The following NFIB variants were observed in gnomAD, a reference collection of about 807,000 sequenced individuals.
NFIB encodes nuclear factor 1 B-type.
In NFIB, 11 loss-of-function variants were observed where a neutral mutation model predicts 61.5. The observed-to-expected ratio is 0.18, with a 90% CI of 0.11 to 0.30. The LOEUF (loss-of-function observed/expected upper bound fraction) is 0.30, where lower values mean the gene tolerates loss of function less well. NFIB is among the 10% of genes least tolerant of loss of function. The probability of loss-of-function intolerance (pLI) is 1.00; values close to 1 mark genes in which losing one functional copy is unlikely to be tolerated. For missense variants in NFIB, 471 were observed against 608.9 expected (o/e 0.77, Z 2.38); for synonymous variants, 260 against 216.5 (o/e 1.20, Z -1.76).
the NFIB span, among the ~76,000 whole-genome samples, chr9:14,414,358 C>T: frequency 9.6e-4 from 144 of 150,524 alleles, no homozygotes; most frequent in Admixed American, 5.6e-3. Context: ...TTGCTTGAAC[C>T]CGAGAGGCAG....
chr9:14,120,909 T>C lies in NFIB; in HGVS notation c.1061-285A>G, dbSNP rs1368920912. On this transcript the variant is annotated intron_variant, in intron 7 of 10. Coordinates refer to ENST00000380953, the MANE Select transcript of NFIB (RefSeq NM_001190737.2). This position sits in a 1 kb window ranked among gnomAD's most constrained non-coding sequence, Gnocchi z 4.4. ...GTTTCTCTTTTATAGGTTATGTCAA[T>C]ACTTGATAAAACACTTCTTTGAGCA... is the stretch of plus-strand genomic sequence containing the variant. Among the ~76,000 whole-genome samples the C allele has an allele frequency of 6.6e-6, 1 of 152,212 alleles. No homozygotes were observed. Among genetic ancestry groups the C allele is most frequent in the Non-Finnish European group, 1.5e-5 (1 of 68,042 alleles).
intron 2 of NFIB, among the ~76,000 whole-genome samples, chr9:14,267,870 C>G (rs56075406): frequency 0.078 from 11,844 of 152,212 alleles, 659 homozygotes; most frequent in East Asian, 0.26. Flanking sequence ...CAGTGGCTCA[C>G]GCCTGTAATC....
chr9:14,125,226 C>T (rs185285854), intron 7 of NFIB, among the ~76,000 whole-genome samples: 19 of 152,330 alleles, frequency 1.2e-4, no homozygotes, highest in African/African-American at 3.8e-4. Context: ...GGCACGATCT[C>T]GGCTTACTGC....
chr9:14,129,925 G>C (rs189828918), intron 6 of NFIB, among the ~76,000 whole-genome samples: 1 of 152,320 alleles, frequency 6.6e-6, no homozygotes, highest in African/African-American at 2.4e-5. Flanking sequence ...ACTGGTGGGA[G>C]GGAGGCAGGA....
chr9:14,322,864 C>T (rs1241244405), intron 1 of NFIB, among the ~76,000 whole-genome samples: 1 of 152,040 alleles, frequency 6.6e-6, no homozygotes, highest in East Asian at 1.9e-4. Flanking sequence ...GCGTGACCGT[C>T]TCGGGGGCTG....
chr9:14,325,201 A>T (rs1447449280), intron 1 of NFIB, among the ~76,000 whole-genome samples: 1 of 152,036 alleles, frequency 6.6e-6, no homozygotes, highest in Non-Finnish European at 1.5e-5. Context: ...TTCATTTTTT[A>T]AAAATAGCAC....
intron 2 of NFIB, among the ~76,000 whole-genome samples, chr9:14,201,839 G>A (rs1243891571): frequency 6.6e-6 from 1 of 151,942 alleles, no homozygotes; most frequent in Non-Finnish European, 1.5e-5. Flanking sequence ...AATTTATACA[G>A]GTAATTAACA....
intron 2 of NFIB, among the ~76,000 whole-genome samples, chr9:14,180,443 C>G (rs1230250858): frequency 1.3e-5 from 2 of 152,192 alleles, no homozygotes; most frequent in Admixed American, 6.5e-5. Context: ...ACAGACTTTG[C>G]AGGTAAGGAG....
chr9:14,336,538 GCA>G (rs1488995130), intron 1 of NFIB, among the ~76,000 whole-genome samples: 1 of 152,190 alleles, frequency 6.6e-6, no homozygotes, highest in Non-Finnish European at 1.5e-5. Context: ...TTTGTATATA[GCA>G]ACTCACTTTT....
chr9:14,191,275 C>T (rs1277539370), intron 2 of NFIB, among the ~76,000 whole-genome samples: 1 of 152,070 alleles, frequency 6.6e-6, no homozygotes, highest in African/African-American at 2.4e-5. Context: ...CTGCAGTGAG[C>T]TGAGATTACA....
chr9:14,456,114 T>C, the NFIB span, among the ~76,000 whole-genome samples: 2 of 152,254 alleles, frequency 1.3e-5, no homozygotes, highest in Admixed American at 6.5e-5. Flanking sequence ...CATAATACCA[T>C]TTCTGTAGGT....
the NFIB span, among the ~76,000 whole-genome samples, chr9:14,418,031 G>C: frequency 6.6e-6 from 1 of 151,928 alleles, no homozygotes; most frequent in Non-Finnish European, 1.5e-5. Context: ...CACCCACCTC[G>C]GCCTCCCAAA....
intron 2 of NFIB, among the ~76,000 whole-genome samples, chr9:14,276,882 A>G (rs980813749): frequency 3.9e-5 from 6 of 152,044 alleles, no homozygotes; most frequent in African/African-American, 1.4e-4. Context: ...TAAAAAGTAC[A>G]TCTTTTCTAT....
intron 2 of NFIB, among the ~76,000 whole-genome samples, chr9:14,236,311 A>G (rs2053739744): frequency 6.6e-6 from 1 of 152,204 alleles, no homozygotes; most frequent in South Asian, 2.1e-4. Context: ...TGTGTTTGCA[A>G]TCTCCAGAGA....
intron 1 of NFIB, chr9:14,362,284 G>T (rs2061249684): frequency 6.6e-6 from 1 of 152,208 alleles, no homozygotes; most frequent in African/African-American, 2.4e-5. Flanking sequence ...TGACTACAAT[G>T]GTGAACCATT....
intron 1 of NFIB, among the ~76,000 whole-genome samples, chr9:14,368,902 T>C (rs957218271): frequency 9.9e-5 from 15 of 152,192 alleles, no homozygotes; most frequent in Admixed American, 2.0e-4. Context: ...TTCCCAACTA[T>C]ATAGGGACAA....
At chr9:14,407,752 T>C in the NFIB span, among the ~76,000 whole-genome samples, 1 of 152,166 alleles carries the variant, frequency 6.6e-6, no homozygotes, top group Non-Finnish European at 1.5e-5. Flanking sequence ...GGTGGTACAA[T>C]CATAGCTCAC....
intron 1 of NFIB, among the ~76,000 whole-genome samples, chr9:14,387,335 C>T (rs1401694660): frequency 6.6e-6 from 1 of 152,180 alleles, no homozygotes; most frequent in African/African-American, 2.4e-5. Context: ...AATATTATTA[C>T]TATGCAACCA....
At chr9:14,232,589 G>A (rs901381530) in intron 2 of NFIB, among the ~76,000 whole-genome samples, 26 of 152,214 alleles carry the variant, frequency 1.7e-4, no homozygotes, top group African/African-American at 6.0e-4. Context: ...GTTGCCAGGT[G>A]TGAGAAACGA....
Sources: gnomAD v4.1 joint callset for allele counts (sites outside exome capture counted in the v4.1 genomes callset) on GRCh38, gnomAD v4.1.1 for gene constraint, Gnocchi (gnomAD v3.1) non-coding constraint, MANE v1.5 for transcripts, NCBI Gene and HGNC (gene_info 2026-07-23, HGNC 2026-07-21) for gene names.